The following RIMS2 variants were observed in gnomAD, a reference collection of about 807,000 sequenced individuals.
RIMS2 encodes the protein regulating synaptic membrane exocytosis protein 2.
In RIMS2, 59 loss-of-function variants were observed where a neutral mutation model predicts 174.4. The observed-to-expected ratio is 0.34, with a 90% CI of 0.27 to 0.42. The LOEUF (loss-of-function observed/expected upper bound fraction) is 0.42. Among genes scored for constraint, RIMS2 ranks in the 10% least tolerant of loss-of-function variants. The pLI is 1.00. For synonymous variants in RIMS2, 606 were observed against 572.5 expected, an observed-to-expected ratio of 1.06 and a Z score of -0.84; for missense variants, 1,620 against 1,666.3, an observed-to-expected ratio of 0.97 and a Z score of 0.48.
chr8:103,600,207 A>T (rs993102823), intron 1 of RIMS2, among the ~76,000 whole-genome samples: 3 of 151,994 alleles, frequency 2.0e-5, no homozygotes, highest in Non-Finnish European at 4.4e-5. Context: ...CAGATGACAG[A>T]ATCTCATTCT....
intron 19 of RIMS2, chr8:104,223,572 G>T (rs1034970475): frequency 2.7e-6 from 4 of 1,466,906 alleles, no homozygotes; most frequent in Non-Finnish European, 3.6e-6. Context: ...CACTGGTCCC[G>T]GAACCGCTGC....
At chr8:104,190,761 A>G (rs761723854) in intron 19 of RIMS2, among the ~76,000 whole-genome samples, 13 of 152,090 alleles carry the variant, frequency 8.5e-5, no homozygotes, top group African/African-American at 1.4e-4. Flanking sequence ...TTGGGTAACT[A>G]CTTAACAACC....
chr8:103,613,150 G>T (rs1171097639), intron 1 of RIMS2, among the ~76,000 whole-genome samples: 4 of 152,182 alleles, frequency 2.6e-5, no homozygotes, highest in African/African-American at 9.7e-5. Flanking sequence ...CCCAGGCCCT[G>T]GTTGAGTCCA....
chr8:103,588,842 G>T lies in RIMS2; in HGVS notation c.176+87780G>T, dbSNP rs187280357. Among the ~76,000 whole-genome samples, 3 of 151,974 alleles carry T rather than the reference G, an allele frequency of 2.0e-5. No homozygotes were observed. The East Asian group carries it at 5.8e-4, about 29-fold the overall frequency. ...CATTGGGGAAGATATTTAGGATATTGGTCTGGGCAAAAGTTTCTTGAGTGA... is the reference window on the plus strand; with the variant it reads ...CATTGGGGAAGATATTTAGGATATTTGTCTGGGCAAAAGTTTCTTGAGTGA... On this transcript the variant is annotated intron_variant, in intron 1 of 23. Transcript: ENST00000504942.
chr8:103,537,871 G>C (rs1840570654), intron 1 of RIMS2, among the ~76,000 whole-genome samples: 1 of 151,916 alleles, frequency 6.6e-6, no homozygotes, highest in South Asian at 2.1e-4. Context: ...AAATGAGAAT[G>C]GGAGATGTTT....
At chr8:103,563,421 C>G (rs1031885974) in intron 1 of RIMS2, among the ~76,000 whole-genome samples, 1 of 152,174 alleles carries the variant, frequency 6.6e-6, no homozygotes, top group Non-Finnish European at 1.5e-5. Context: ...CGTCTCTTTG[C>G]TAAAACATAA....
intron 19 of RIMS2, chr8:104,223,496 C>T: frequency 7.2e-7 from 1 of 1,387,132 alleles, no homozygotes; most frequent in Non-Finnish European, 9.3e-7. Context: ...ACGTCTCCTC[C>T]GGGCTGGGTC....
chr8:103,890,782 T>G (rs2099239590), intron 4 of RIMS2, among the ~76,000 whole-genome samples: 1 of 152,068 alleles, frequency 6.6e-6, no homozygotes, highest in Admixed American at 6.6e-5. Context: ...TGAACATTCT[T>G]CTCAAAGTTT....
intron 19 of RIMS2, among the ~76,000 whole-genome samples, chr8:104,036,433 G>A (rs1467119998): frequency 4.6e-5 from 7 of 151,794 alleles, no homozygotes; most frequent in African/African-American, 1.7e-4. Context: ...TTACAGGCAT[G>A]AGCCACACCA....
intron 1 of RIMS2, among the ~76,000 whole-genome samples, chr8:103,543,763 T>C (rs1843618849): frequency 6.6e-6 from 1 of 152,194 alleles, no homozygotes; most frequent in African/African-American, 2.4e-5. Flanking sequence ...ATCTCTTCAA[T>C]AAATGGTGTT....
chr8:103,794,469 C>G (rs2098532822), intron 3 of RIMS2, among the ~76,000 whole-genome samples: 1 of 152,150 alleles, frequency 6.6e-6, no homozygotes, highest in African/African-American at 2.4e-5. Context: ...AGACCTAAAA[C>G]CATAGAAATC....
chr8:103,960,095 G>A (rs2089422404), intron 14 of RIMS2, among the ~76,000 whole-genome samples: 1 of 152,176 alleles, frequency 6.6e-6, no homozygotes, highest in Non-Finnish European at 1.5e-5. Flanking sequence ...CGACAAAATT[G>A]ATAGACCGCT....
intron 1 of RIMS2, among the ~76,000 whole-genome samples, chr8:103,665,303 A>G (rs28422794): frequency 0.18 from 26,906 of 152,230 alleles, 2,583 homozygotes; most frequent in African/African-American, 0.24. Flanking sequence ...AGATTCTTTC[A>G]TAGTTCATAA....
chr8:103,757,351 T>G (rs958571400), intron 2 of RIMS2, among the ~76,000 whole-genome samples: 2 of 152,216 alleles, frequency 1.3e-5, no homozygotes, highest in Non-Finnish European at 2.9e-5. Flanking sequence ...CTATTTTAAT[T>G]AATTAATTTG....
At chr8:104,198,874 G>A (rs1367886931) in intron 19 of RIMS2, among the ~76,000 whole-genome samples, 1 of 152,058 alleles carries the variant, frequency 6.6e-6, no homozygotes, top group South Asian at 2.1e-4. Context: ...ATTAATAGGA[G>A]AAAAGCACAC....
intron 19 of RIMS2, among the ~76,000 whole-genome samples, chr8:104,107,382 A>G (rs2098090711): frequency 6.6e-6 from 1 of 152,100 alleles, no homozygotes; most frequent in African/African-American, 2.4e-5. Flanking sequence ...TAGTTTTTTA[A>G]GTATATATTT....
chr8:103,697,089 A>C, exon 2 of RIMS2: 2 of 1,610,246 alleles, frequency 1.2e-6, no homozygotes, highest in East Asian at 4.5e-5. Flanking sequence ...TCTGCAGAAA[A>C]CTGCATCAGC....
intron 1 of RIMS2, among the ~76,000 whole-genome samples, chr8:103,525,759 C>T (rs890627384): frequency 6.6e-6 from 1 of 152,124 alleles, no homozygotes; most frequent in African/African-American, 2.4e-5. Context: ...GCACTATGAT[C>T]TCTTTTAATA....
At chr8:103,888,287 G>A (rs1312885008) in intron 4 of RIMS2, among the ~76,000 whole-genome samples, 2 of 151,334 alleles carry the variant, frequency 1.3e-5, no homozygotes, top group South Asian at 4.1e-4. Flanking sequence ...CATATTTGTT[G>A]CATTCAAATG....
Sources: gnomAD v4.1 joint callset for allele counts (sites outside exome capture counted in the v4.1 genomes callset) on GRCh38, gnomAD v4.1.1 for gene constraint, MANE v1.5 for transcripts, NCBI Gene and HGNC (gene_info 2026-07-23, HGNC 2026-07-21) for gene names.